The following SGCZ variants were observed in gnomAD, a reference collection of about 807,000 sequenced individuals.
SGCZ encodes the protein sarcoglycan zeta.
SGCZ carries 40 observed loss-of-function variants against 41.3 expected under a neutral mutation model. The ratio of observed to expected loss-of-function variants is 0.97; its 90% CI spans 0.75 to 1.26. The LOEUF is 1.26. SGCZ is among the 50% of genes most tolerant of loss of function. The probability of loss-of-function intolerance (pLI) is 0.00; values close to 1 mark genes in which losing one functional copy is unlikely to be tolerated. For missense variants in SGCZ, 552 were observed against 369.8 expected, an observed-to-expected ratio of 1.49 and a Z score of -4.04; for synonymous variants, 206 against 137.5, an observed-to-expected ratio of 1.50 and a Z score of -3.49.
chr8:15,106,884 C>G (rs1230541579), intron 1 of SGCZ, among the ~76,000 whole-genome samples: 1 of 151,438 alleles, frequency 6.6e-6, no homozygotes. Flanking sequence ...GGAAATGTTT[C>G]TCAACTTCTG....
chr8:14,555,017 A>G (rs1358309763), intron 1 of SGCZ, 91 bp from the exon 2 acceptor site: 2 of 1,168,046 alleles, frequency 1.7e-6, no homozygotes, highest in African/African-American at 1.6e-5. Context: ...ACAAAAGAAC[A>G]ATGTACGTTA....
intron 4 of SGCZ, among the ~76,000 whole-genome samples, chr8:14,188,753 C>T (rs1018374270): frequency 1.7e-4 from 26 of 151,552 alleles, no homozygotes; most frequent in African/African-American, 6.1e-4. Flanking sequence ...ATTCATCCTT[C>T]AACACATATC....
At chr8:15,044,781 G>A (rs1804241781) in intron 1 of SGCZ, among the ~76,000 whole-genome samples, 1 of 151,980 alleles carries the variant, frequency 6.6e-6, no homozygotes. Context: ...GGTAGGGTTA[G>A]GAAGACCTAC....
chr8:14,589,548 T>A (rs1272615028), intron 1 of SGCZ, among the ~76,000 whole-genome samples: 2 of 152,104 alleles, frequency 1.3e-5, no homozygotes, highest in Non-Finnish European at 2.9e-5. Context: ...CAAAAATGAA[T>A]CTTGAGCAAA....
In SGCZ at chr8:14,997,253, G is replaced by C. The variant is rs188814834; in HGVS notation, c.39+240332C>G. Among the ~76,000 whole-genome samples, 73 of 152,194 alleles carry C rather than the reference G, an allele frequency of 4.8e-4. 1 individual carries two copies. The East Asian group carries it at 0.013, about 27-fold the overall frequency. ...ATTCTAGGTTCCTTTAAAATTATTAGGATTGTAATCAATTATGGAATGTTA... is the reference window on the plus strand; with the variant it reads ...ATTCTAGGTTCCTTTAAAATTATTACGATTGTAATCAATTATGGAATGTTA... On this transcript the variant is annotated intron_variant, in intron 1 of 7. Coordinates refer to ENST00000382080, the MANE Select transcript of SGCZ (RefSeq NM_139167.4).
chr8:14,262,553 T>G, intron 3 of SGCZ, among the ~76,000 whole-genome samples: 1 of 151,962 alleles, frequency 6.6e-6, no homozygotes, highest in East Asian at 1.9e-4. Flanking sequence ...TGCAAAAGTA[T>G]CCTATAAAAA....
chr8:15,173,005 T>A (rs1799890455), intron 1 of SGCZ, among the ~76,000 whole-genome samples: 1 of 152,238 alleles, frequency 6.6e-6, no homozygotes, highest in South Asian at 2.1e-4. Context: ...TGGATAACAA[T>A]GTTGTGATAA....
chr8:15,216,408 G>A (rs912558069), intron 1 of SGCZ, among the ~76,000 whole-genome samples: 1 of 151,704 alleles, frequency 6.6e-6, no homozygotes, highest in African/African-American at 2.4e-5. Context: ...TTTTAGTAGA[G>A]ACGGAGTTTC....
chr8:14,619,622 T>C (rs1409906448), intron 1 of SGCZ, among the ~76,000 whole-genome samples: 1 of 151,980 alleles, frequency 6.6e-6, no homozygotes, highest in Non-Finnish European at 1.5e-5. Context: ...TGAGCAAAAA[T>C]GACAGGCATT....
chr8:14,681,344 G>A (rs1489012636), intron 1 of SGCZ, among the ~76,000 whole-genome samples: 1 of 152,108 alleles, frequency 6.6e-6, no homozygotes, highest in African/African-American at 2.4e-5. Context: ...TGTATTAAAG[G>A]GGGAAAAATG....
intron 1 of SGCZ, among the ~76,000 whole-genome samples, chr8:15,220,436 C>G (rs1234073888): frequency 3.9e-5 from 6 of 152,140 alleles, no homozygotes; most frequent in African/African-American, 1.4e-4. Context: ...CAGGCCCTTG[C>G]AAATGACACC....
chr8:14,568,793 A>G (rs569842806), intron 1 of SGCZ, among the ~76,000 whole-genome samples: 2 of 152,228 alleles, frequency 1.3e-5, no homozygotes, highest in African/African-American at 4.8e-5. Context: ...CCGTAGTGCC[A>G]TTTACTCCAT....
chr8:14,265,298 G>A lies in SGCZ; in HGVS notation c.337-27619C>T, dbSNP rs78518588. ...TCAGTTTTATTATTATTTTTATATC[G>A]CTCTAGTATATTGACTTTGGAAACA... On this transcript the variant is annotated intron_variant, in intron 3 of 7. Transcript: ENST00000382080. Among the ~76,000 whole-genome samples the A allele has an allele frequency of 6.2e-3, 943 of 152,076 alleles. 18 individuals carry two copies. Among genetic ancestry groups the A allele is most frequent in the East Asian group, 0.051 (262 of 5,156 alleles).
At chr8:15,166,224 G>A (rs574971888) in intron 1 of SGCZ, among the ~76,000 whole-genome samples, 284 of 150,568 alleles carry the variant, frequency 1.9e-3, no homozygotes, top group African/African-American at 6.1e-3. Context: ...CCAAAATGAT[G>A]CTCAATCCTT....
At chr8:15,197,844 C>T (rs868793758) in intron 1 of SGCZ, among the ~76,000 whole-genome samples, 49 of 151,768 alleles carry the variant, frequency 3.2e-4, no homozygotes, top group South Asian at 1.5e-3. Flanking sequence ...GTAAATTATA[C>T]GCACACACAT....
intron 2 of SGCZ, among the ~76,000 whole-genome samples, chr8:14,377,853 A>G (rs963489849): frequency 9.9e-5 from 15 of 151,918 alleles, no homozygotes; most frequent in Admixed American, 7.9e-4. Context: ...TACAAAGGAC[A>G]TGAACTCATC....
At chr8:14,708,704 G>A (rs1030539381) in intron 1 of SGCZ, among the ~76,000 whole-genome samples, 1 of 151,834 alleles carries the variant, frequency 6.6e-6, no homozygotes, top group Non-Finnish European at 1.5e-5. Context: ...TTTTTAAAAA[G>A]TATTTTAGCT....
intron 1 of SGCZ, among the ~76,000 whole-genome samples, chr8:14,856,137 A>T (rs1227578553): frequency 2.6e-5 from 4 of 152,248 alleles, no homozygotes; most frequent in Non-Finnish European, 5.9e-5. Flanking sequence ...GGCTAGGATC[A>T]AGATATAAAT....
chr8:14,328,572 CTAT>C (rs754859064), intron 2 of SGCZ, among the ~76,000 whole-genome samples: 44 of 152,222 alleles, frequency 2.9e-4, no homozygotes, highest in Non-Finnish European at 5.4e-4. Flanking sequence ...ATAGTTTTAA[CTAT>C]TATTAACATT....
Sources: gnomAD v4.1 joint callset for allele counts (sites outside exome capture counted in the v4.1 genomes callset) on GRCh38, gnomAD v4.1.1 for gene constraint, MANE v1.5 for transcripts, NCBI Gene and HGNC (gene_info 2026-07-23, HGNC 2026-07-21) for gene names.